The following PIEZO2 variants were observed in gnomAD, a reference collection of about 807,000 sequenced individuals.
PIEZO2 encodes piezo type mechanosensitive ion channel component 2.
PIEZO2 carries 172 observed loss-of-function variants against 337.3 expected under a neutral mutation model. The observed-to-expected ratio is 0.51, with a 90% confidence interval of 0.45 to 0.58. The LOEUF is 0.58. PIEZO2 is among the 20% of genes least tolerant of loss of function. The probability of loss-of-function intolerance (pLI) is 0.00; values close to 1 mark genes in which losing one functional copy is unlikely to be tolerated. For synonymous variants in PIEZO2, 1,251 were observed against 1,228.5 expected (o/e 1.02, Z -0.38); for missense variants, 3,028 against 3,391.3 (o/e 0.89, Z 2.66).
intron 1 of PIEZO2, among the ~76,000 whole-genome samples, chr18:11,147,112 G>C (rs935367976): frequency 1.3e-5 from 2 of 152,236 alleles, no homozygotes; most frequent in African/African-American, 4.8e-5. Context: ...TAAGGCACCT[G>C]AAGAATCCCT....
At chr18:10,685,632 G>A (rs1446061145) in intron 49 of PIEZO2, among the ~76,000 whole-genome samples, 2 of 152,146 alleles carry the variant, frequency 1.3e-5, no homozygotes, top group Admixed American at 6.6e-5. Flanking sequence ...AGCAGCTGCC[G>A]CTTCTTCCAA....
At chr18:11,023,092 G>A (rs958609938) in intron 2 of PIEZO2, among the ~76,000 whole-genome samples, 8 of 152,278 alleles carry the variant, frequency 5.3e-5, no homozygotes, top group Admixed American at 3.3e-4. Flanking sequence ...AGCTCATAAA[G>A]TCAGTGTGGA....
Position 10,699,099 on chromosome 18 carries a change from C to T in PIEZO2, c.6520G>A (p.Gly2174Ser), listed in dbSNP as rs754406783. The T allele has an allele frequency of 1.6e-5, 24 of 1,537,070 alleles. No homozygotes were observed. The highest frequency in any genetic ancestry group is 5.9e-5 in the Admixed American group (3 of 50,986). ...TCGGAGGAGTCCCTCCTGCCATGAC[C>T]GAGGGAGAGCTCATCATCTGATTCC... ...REESDDELSL[G>S]HGRRDSSDSL... The change falls in exon 44 of 56, where the codon GGT becomes AGT. Residue 2174 changes from glycine to serine, a missense_variant. Coordinates refer to ENST00000674853, the MANE Select transcript of PIEZO2 (RefSeq NM_001378183.1).
In PIEZO2 at chr18:10,682,296, C is replaced by A. The variant is rs2034300679; in HGVS notation, c.7498-4G>T. On this transcript the variant is annotated splice_polypyrimidine_tract_variant and splice_region_variant and intron_variant, in intron 49 of 55. Coordinates refer to ENST00000674853, the MANE Select transcript of PIEZO2 (RefSeq NM_001378183.1). The surrounding 1 kb of genome is among the most constrained non-coding windows in gnomAD (Gnocchi z 5.6). ...GGCCCCGTGGCTGAGGGTATCTCTG[C>A]AACAGAGAGTTCAGACAAGGCTCAG... The A allele has an allele frequency of 6.5e-7, 1 of 1,532,936 alleles. No homozygotes were observed. Among genetic ancestry groups the A allele is most frequent in the Non-Finnish European group, 8.7e-7 (1 of 1,144,598 alleles). The allele number at this position is 1,532,936 out of a possible 1,614,324, so 95.0% of individuals were successfully genotyped here.
At chr18:10,909,736 T>C (rs550950320) in intron 4 of PIEZO2, among the ~76,000 whole-genome samples, 1 of 152,218 alleles carries the variant, frequency 6.6e-6, no homozygotes, top group Non-Finnish European at 1.5e-5. Context: ...ATGTTTCATA[T>C]TATGAAAGAA....
At chr18:10,990,310 A>T (rs1413288495) in intron 2 of PIEZO2, among the ~76,000 whole-genome samples, 1 of 152,130 alleles carries the variant, frequency 6.6e-6, no homozygotes, top group Non-Finnish European at 1.5e-5. Context: ...ATATGAGGAG[A>T]TGGGAAATAG....
chr18:10,898,558 T>C (rs1215170729), intron 4 of PIEZO2, among the ~76,000 whole-genome samples: 1 of 152,126 alleles, frequency 6.6e-6, no homozygotes, highest in Non-Finnish European at 1.5e-5. Context: ...TCCTGAATAT[T>C]AGGTTGGGGA....
intron 4 of PIEZO2, among the ~76,000 whole-genome samples, chr18:10,879,365 G>A (rs566794949): frequency 2.0e-5 from 3 of 147,194 alleles, no homozygotes; most frequent in East Asian, 2.0e-4. Flanking sequence ...ATGTTCTCTC[G>A]AACAGGCAAA....
intron 1 of PIEZO2, among the ~76,000 whole-genome samples, chr18:11,123,561 C>A (rs548502894): frequency 6.6e-6 from 1 of 152,276 alleles, no homozygotes; most frequent in African/African-American, 2.4e-5. Flanking sequence ...GTAATCCCAG[C>A]ACTTTGGGAG....
chr18:10,966,614 A>G (rs1012356557), intron 3 of PIEZO2, among the ~76,000 whole-genome samples: 1 of 151,948 alleles, frequency 6.6e-6, no homozygotes, highest in East Asian at 1.9e-4. Flanking sequence ...TTTTTAATTT[A>G]ATTTTAATTA....
chr18:10,840,541 C>A (rs984284934), intron 7 of PIEZO2, among the ~76,000 whole-genome samples: 9 of 151,906 alleles, frequency 5.9e-5, no homozygotes, highest in African/African-American at 2.2e-4. Flanking sequence ...TTAAGTGAAC[C>A]CAGTCTCTCT....
chr18:10,782,404 T>C (rs1181120280), intron 17 of PIEZO2, among the ~76,000 whole-genome samples: 1 of 42,356 alleles, frequency 2.4e-5, no homozygotes, highest in East Asian at 4.2e-4. Flanking sequence ...TAAATAATTA[T>C]ATAATATATT....
In PIEZO2 at chr18:10,847,797, A is replaced by G. The variant is rs1441558979; in HGVS notation, c.917+7556T>C. On this transcript the variant is annotated intron_variant, in intron 7 of 55. Transcript: ENST00000674853. This position sits in a 1 kb window ranked among gnomAD's most constrained non-coding sequence, Gnocchi z 5.7. ...TAAGCATCTTTTCAAAATGAAACCT[A>G]CACTTGTTTATCATGTATCATCTGC... 6.6e-6 allele frequency among the ~76,000 whole-genome samples: 1 copy of G among 152,210 alleles called. No individual in the cohort carries two copies. Among genetic ancestry groups the G allele is most frequent in the Non-Finnish European group, 1.5e-5 (1 of 68,042 alleles).
At chr18:10,985,949 A>T (rs2034853910) in intron 2 of PIEZO2, among the ~76,000 whole-genome samples, 1 of 151,514 alleles carries the variant, frequency 6.6e-6, no homozygotes, top group Non-Finnish European at 1.5e-5. Flanking sequence ...CCGAATGGAT[A>T]AAAAAAAATC....
chr18:10,926,313 T>C (rs1370512907), intron 3 of PIEZO2, among the ~76,000 whole-genome samples: 1 of 152,214 alleles, frequency 6.6e-6, no homozygotes, highest in Admixed American at 6.5e-5. Flanking sequence ...TCGCCCATGG[T>C]AGGAGTATTT....
chr18:11,018,177 G>C (rs955045153), intron 2 of PIEZO2, among the ~76,000 whole-genome samples: 5 of 151,214 alleles, frequency 3.3e-5, no homozygotes, highest in Admixed American at 6.6e-5. Context: ...TCCGGTTCCT[G>C]CCTCAGTCAT....
chr18:11,141,880 G>C (rs1196573734), intron 1 of PIEZO2, among the ~76,000 whole-genome samples: 1 of 152,226 alleles, frequency 6.6e-6, no homozygotes, highest in East Asian at 1.9e-4. Flanking sequence ...TCCCCCTCCA[G>C]GTGACTGGTG....
In PIEZO2 at chr18:10,834,430, A is replaced by G. The variant is rs117405222; in HGVS notation, c.917+20923T>C. On this transcript the variant is annotated intron_variant, in intron 7 of 55. Coordinates refer to ENST00000674853, the MANE Select transcript of PIEZO2 (RefSeq NM_001378183.1). This position sits in a 1 kb window ranked among gnomAD's most constrained non-coding sequence, Gnocchi z 4.5. ...AATACTATGTGCTCAATACACCTTAACTATTACAACTATGATATTATCACT... is the reference window on the plus strand; with the variant it reads ...AATACTATGTGCTCAATACACCTTAGCTATTACAACTATGATATTATCACT... Among the ~76,000 whole-genome samples, 7,660 of 152,280 alleles carry G rather than the reference A, an allele frequency of 0.05. 247 individuals carry two copies. The highest frequency in any genetic ancestry group is 0.15 in the Middle Eastern group (43 of 294).
chr18:10,891,803 C>T (rs1324262344), intron 4 of PIEZO2, among the ~76,000 whole-genome samples: 1 of 152,060 alleles, frequency 6.6e-6, no homozygotes, highest in Non-Finnish European at 1.5e-5. Flanking sequence ...TGATAAATAG[C>T]TCTGAGTTTT....
Sources: gnomAD v4.1 joint callset for allele counts (sites outside exome capture counted in the v4.1 genomes callset) on GRCh38, gnomAD v4.1.1 for gene constraint, Gnocchi (gnomAD v3.1) non-coding constraint, MANE v1.5 for transcripts, NCBI Gene and HGNC (gene_info 2026-07-23, HGNC 2026-07-21) for gene names.